SMYD3: variants seen among roughly 807,000 people sequenced by gnomAD.
SMYD3 encodes the protein histone-lysine N-methyltransferase SMYD3.
Under a neutral mutation model 57.7 loss-of-function variants are expected in SMYD3, and 36 were observed. The ratio of observed to expected loss-of-function variants is 0.62; its 90% CI spans 0.48 to 0.82. The LOEUF (loss-of-function observed/expected upper bound fraction) is 0.82. Ranked by LOEUF, SMYD3 falls within the 40% of genes least tolerant of loss-of-function variation. The pLI, the probability that SMYD3 is intolerant of heterozygous loss-of-function variation, is 0.00. For synonymous variants in SMYD3, 211 were observed against 195.0 expected, an observed-to-expected ratio of 1.08 and a Z score of -0.68; for missense variants, 515 against 538.8, an observed-to-expected ratio of 0.96 and a Z score of 0.44.
At chr1:246,479,497 G>C (rs919865183) in intron 1 of SMYD3, among the ~76,000 whole-genome samples, 15 of 139,954 alleles carry the variant, frequency 1.1e-4, no homozygotes, top group Admixed American at 5.8e-4. Flanking sequence ...GTGTCAAAAA[G>C]CGGGATTTTT....
At chr1:245,793,501 C>T (rs1408397401) in intron 10 of SMYD3, among the ~76,000 whole-genome samples, 1 of 152,106 alleles carries the variant, frequency 6.6e-6, no homozygotes, top group Non-Finnish European at 1.5e-5. Flanking sequence ...CTCAAATCTC[C>T]ACCTGTCACT....
At chr1:246,402,633 C>T (rs1308093122) in intron 1 of SMYD3, among the ~76,000 whole-genome samples, 2 of 152,144 alleles carry the variant, frequency 1.3e-5, no homozygotes, top group Admixed American at 1.3e-4. Flanking sequence ...TAAAGCTTAC[C>T]TTTGCAAATC....
intron 5 of SMYD3, among the ~76,000 whole-genome samples, chr1:246,012,924 C>T (rs968859906): frequency 6.6e-6 from 1 of 152,206 alleles, no homozygotes; most frequent in Non-Finnish European, 1.5e-5. Flanking sequence ...CTCTACTGTA[C>T]TGACATTTCT....
chr1:246,494,260 C>T (rs2068322795), intron 1 of SMYD3, among the ~76,000 whole-genome samples: 1 of 152,242 alleles, frequency 6.6e-6, no homozygotes, highest in African/African-American at 2.4e-5. Context: ...CAGCACTTCG[C>T]TGCAGTCATA....
Position 246,280,004 on chromosome 1 carries a change from C to T in SMYD3, c.531+47197G>A, listed in dbSNP as rs145229631. Among the ~76,000 whole-genome samples the T allele has an allele frequency of 6.0e-4, 91 of 152,184 alleles. 1 individual carries two copies. In the Middle Eastern group the frequency reaches 0.01, roughly 17 times the overall value. On this transcript the variant is annotated intron_variant, in intron 5 of 11. Transcript: ENST00000490107. The stretch of plus-strand genomic sequence containing the variant: ...TGCAGAATTCTGAGTTTAGCACACA[C>T]GATGTTCTTAGGATTTGGGAGCCTA...
chr1:246,208,017 G>A (rs982792224), intron 5 of SMYD3, among the ~76,000 whole-genome samples: 1 of 152,136 alleles, frequency 6.6e-6, no homozygotes, highest in African/African-American at 2.4e-5. Context: ...AAAATGAAGA[G>A]TGACAAGGAA....
intron 1 of SMYD3, among the ~76,000 whole-genome samples, chr1:246,482,896 G>A (rs1344539949): frequency 6.6e-6 from 1 of 152,014 alleles, no homozygotes; most frequent in Non-Finnish European, 1.5e-5. Flanking sequence ...GACAAGGGCA[G>A]ACCAAGGAGC....
intron 1 of SMYD3, among the ~76,000 whole-genome samples, chr1:246,465,403 TA>T (rs2067866246): frequency 6.6e-6 from 1 of 152,246 alleles, no homozygotes; most frequent in South Asian, 2.1e-4. Context: ...TGTAAATGAA[TA>T]AAACATAGCG....
chr1:246,279,256 C>G (rs944270946), intron 5 of SMYD3, among the ~76,000 whole-genome samples: 2 of 152,190 alleles, frequency 1.3e-5, no homozygotes, highest in African/African-American at 4.8e-5. Context: ...CGCGGTGGCT[C>G]ACACCTGTAA....
At chr1:245,978,619 A>C (rs1380364607) in intron 5 of SMYD3, among the ~76,000 whole-genome samples, 1 of 152,132 alleles carries the variant, frequency 6.6e-6, no homozygotes, top group East Asian at 1.9e-4. Context: ...GTTTGTCCTA[A>C]ATCCTCCAGA....
intron 5 of SMYD3, among the ~76,000 whole-genome samples, chr1:246,269,378 G>C (rs1466628224): frequency 1.3e-5 from 2 of 152,140 alleles, no homozygotes; most frequent in East Asian, 3.9e-4. Context: ...TCTCATTTTT[G>C]ACGTTAGGAA....
At chr1:246,096,085 G>A (rs900738241) in intron 5 of SMYD3, among the ~76,000 whole-genome samples, 1 of 152,136 alleles carries the variant, frequency 6.6e-6, no homozygotes, top group Non-Finnish European at 1.5e-5. Context: ...GCAATTCTGT[G>A]AGAACAGAGT....
chr1:245,998,828 G>A (rs6697403), intron 5 of SMYD3, among the ~76,000 whole-genome samples: 22,802 of 152,126 alleles, frequency 0.15, 2,212 homozygotes, highest in East Asian at 0.44. Context: ...AAAAGGAAAG[G>A]AATTCTAATA....
At chr1:246,360,734 T>C (rs1202415044) in intron 1 of SMYD3, among the ~76,000 whole-genome samples, 3 of 152,040 alleles carry the variant, frequency 2.0e-5, no homozygotes, top group Non-Finnish European at 2.9e-5. Flanking sequence ...GCTGGGACAA[T>C]TGGCAAGCCA....
chr1:246,191,095 T>C (rs1181299637), intron 5 of SMYD3, among the ~76,000 whole-genome samples: 3 of 152,242 alleles, frequency 2.0e-5, no homozygotes, highest in Non-Finnish European at 2.9e-5. Context: ...CACCTCACGG[T>C]GCATTCTGTA....
chr1:245,867,948 T>C (rs10802284), intron 8 of SMYD3, among the ~76,000 whole-genome samples: 136,909 of 152,222 alleles, frequency 0.9, 62,709 homozygotes, highest in Non-Finnish European at 0.99. Flanking sequence ...AGTGTGTGCA[T>C]GTCATATCTT....
intron 5 of SMYD3, among the ~76,000 whole-genome samples, chr1:246,046,151 T>C (rs1316065295): frequency 6.6e-6 from 1 of 152,220 alleles, no homozygotes; most frequent in African/African-American, 2.4e-5. Flanking sequence ...TTATAAATCA[T>C]GCTGCTATAA....
intron 1 of SMYD3, among the ~76,000 whole-genome samples, chr1:246,436,432 A>G (rs750369542): frequency 2.0e-5 from 3 of 152,190 alleles, no homozygotes; most frequent in Non-Finnish European, 4.4e-5. Context: ...TTACACTTAC[A>G]TAAAAGTCAC....
At chr1:245,919,346 G>A (rs548312124) in intron 7 of SMYD3, among the ~76,000 whole-genome samples, 1 of 152,216 alleles carries the variant, frequency 6.6e-6, no homozygotes, top group East Asian at 1.9e-4. Flanking sequence ...TATGTACATT[G>A]CTAGACCTCT....
Sources: allele counts gnomAD v4.1 joint callset (sites outside exome capture counted in the v4.1 genomes callset), GRCh38; gene constraint gnomAD v4.1.1; transcripts MANE v1.5; gene names NCBI Gene and HGNC (gene_info 2026-07-23, HGNC 2026-07-21).